EPB41L4B: variants seen among roughly 807,000 people sequenced by gnomAD.
EPB41L4B encodes the protein erythrocyte membrane protein band 4.1 like 4B.
A neutral mutation model predicts 112.5 loss-of-function variants in EPB41L4B; 30 were observed. The ratio of observed to expected loss-of-function variants is 0.27; its 90% CI spans 0.20 to 0.36. The LOEUF is 0.36. Among genes scored for constraint, EPB41L4B ranks in the 10% least tolerant of loss-of-function variants. EPB41L4B has a pLI of 1.00. For missense variants in EPB41L4B, 1,024 were observed against 1,133.3 expected (o/e 0.90, Z 1.38); for synonymous variants, 408 against 439.7 (o/e 0.93, Z 0.90).
At chr9:109,187,355 A>G (rs1053709574) in intron 22 of EPB41L4B, among the ~76,000 whole-genome samples, 3 of 152,072 alleles carry the variant, frequency 2.0e-5, no homozygotes, top group East Asian at 1.9e-4. Flanking sequence ...TTATCTCACA[A>G]TGGTCTTCAC....
At chr9:109,221,667 C>T (rs892957298) in intron 15 of EPB41L4B, among the ~76,000 whole-genome samples, 3 of 152,088 alleles carry the variant, frequency 2.0e-5, no homozygotes, top group African/African-American at 4.8e-5. Flanking sequence ...AGGCAAATGG[C>T]ATGTCATTAA....
chr9:109,258,167 A>T lies in EPB41L4B; in HGVS notation c.752+10T>A, dbSNP rs1416626454. The stretch of plus-strand genomic sequence containing the variant: ...ATACATCAGAATGCTAGACGGTTGC[A>T]TCAAGGTACCTGCACTCTTTCCATC... On this transcript the variant is annotated intron_variant, in intron 7 of 25. Coordinates refer to ENST00000374566, the MANE Select transcript of EPB41L4B (RefSeq NM_019114.5). 1 of 1,609,784 alleles carries T rather than the reference A, an allele frequency of 6.2e-7. No individual in the cohort carries two copies. Among genetic ancestry groups the T allele is most frequent in the Non-Finnish European group, 8.5e-7 (1 of 1,176,766 alleles).
Position 109,213,116 on chromosome 9 carries a change from A to G in EPB41L4B, c.1752+584T>C, listed in dbSNP as rs889918798. Among the ~76,000 whole-genome samples the G allele has an allele frequency of 2.0e-5, 3 of 152,224 alleles. No homozygotes were observed. In the East Asian group the frequency reaches 5.8e-4, roughly 29 times the overall value. ...TTGTCAAGGGCTGTGCAACCTTGAG[A>G]AAGTCATTTCCCTTCCTCTGGTCTG... On this transcript the variant is annotated intron_variant, in intron 17 of 25. Transcript: ENST00000374566.
chr9:109,194,892 A>G lies in EPB41L4B; in HGVS notation c.2046-495T>C, dbSNP rs536911601. Among the ~76,000 whole-genome samples, 5 of 152,210 alleles carry G rather than the reference A, an allele frequency of 3.3e-5. No homozygotes were observed. The East Asian group carries it at 9.6e-4, about 29-fold the overall frequency. On this transcript the variant is annotated intron_variant, in intron 20 of 25. Coordinates refer to ENST00000374566, the MANE Select transcript of EPB41L4B (RefSeq NM_019114.5). ...TCACATAAGTGGAATCACACACTCTATGTTCCTCTGTGTCTGGCTTATTTT... is the reference window on the plus strand; with the variant it reads ...TCACATAAGTGGAATCACACACTCTGTGTTCCTCTGTGTCTGGCTTATTTT...
At chr9:109,186,105 A>C (rs1832254950) in intron 22 of EPB41L4B, among the ~76,000 whole-genome samples, 1 of 152,106 alleles carries the variant, frequency 6.6e-6, no homozygotes, top group South Asian at 2.1e-4. Flanking sequence ...TCTGCTGAAC[A>C]AGGGCACACA....
chr9:109,193,820 A>G (rs1832548330), intron 21 of EPB41L4B, among the ~76,000 whole-genome samples: 1 of 152,248 alleles, frequency 6.6e-6, no homozygotes, highest in African/African-American at 2.4e-5. Flanking sequence ...CACCGGCTAT[A>G]TGACATAAGG....
intron 15 of EPB41L4B, among the ~76,000 whole-genome samples, chr9:109,227,486 T>C (rs1833822395): frequency 6.6e-6 from 1 of 152,228 alleles, no homozygotes; most frequent in South Asian, 2.1e-4. Flanking sequence ...GTTAGAATTT[T>C]TAAACTTTTT....
chr9:109,249,145 C>G (rs1834684736), intron 13 of EPB41L4B, among the ~76,000 whole-genome samples: 1 of 151,180 alleles, frequency 6.6e-6, no homozygotes, highest in Admixed American at 6.6e-5. Flanking sequence ...TGCTTGAAAT[C>G]AAGTGTTATT....
intron 1 of EPB41L4B, among the ~76,000 whole-genome samples, chr9:109,295,953 T>C (rs1836717808): frequency 6.6e-6 from 1 of 152,106 alleles, no homozygotes; most frequent in Non-Finnish European, 1.5e-5. Flanking sequence ...AACATGCAAT[T>C]AAAATGATGG....
At chr9:109,270,809 C>T (rs1337806129) in intron 2 of EPB41L4B, among the ~76,000 whole-genome samples, 1 of 152,222 alleles carries the variant, frequency 6.6e-6, no homozygotes, top group Non-Finnish European at 1.5e-5. Context: ...TGTGCAGTCT[C>T]CTTGGCTGTG....
rs1837843987 is a variant in EPB41L4B at position 109,320,729 on chromosome 9, G to C, written c.-283C>G. 7.0e-6 allele frequency: 1 copy of C among 143,374 alleles called. No homozygotes were observed. The highest frequency in any genetic ancestry group is 1.5e-5 in the Non-Finnish European group (1 of 64,864). 8.9% of individuals were successfully genotyped at this position (143,374 alleles called of 1,614,324 possible). A position where few individuals can be genotyped will look rare whatever the true frequency, so the allele number is the denominator to read the frequency against. ...GCCGCCGCCGCCGCGCGCTCTCCCG[G>C]GCCGGCGGCCTGCGCGGGCTGCCGA... On this transcript the variant is annotated 5_prime_UTR_variant, in exon 1 of 26. Transcript: ENST00000374566.
intron 20 of EPB41L4B, 108 bp downstream of exon 20, chr9:109,200,128 T>G: frequency 2.5e-6 from 2 of 808,286 alleles, no homozygotes; most frequent in Non-Finnish European, 4.0e-6. Flanking sequence ...ATAAATGGAA[T>G]TTGGGGGCTG....
intron 17 of EPB41L4B, among the ~76,000 whole-genome samples, chr9:109,211,411 A>G (rs1230849511): frequency 6.6e-6 from 1 of 152,018 alleles, no homozygotes; most frequent in East Asian, 1.9e-4. Context: ...CCTGACCAAC[A>G]TGGTGAAATC....
chr9:109,276,724 G>A (rs1447979625), intron 2 of EPB41L4B, among the ~76,000 whole-genome samples: 1 of 152,218 alleles, frequency 6.6e-6, no homozygotes, highest in East Asian at 1.9e-4. Context: ...AGTCAGCAGA[G>A]GCTCATGGCA....
chr9:109,216,875 A>G (rs1833389470), intron 16 of EPB41L4B, 47 bp downstream of exon 16: 1 of 1,572,740 alleles, frequency 6.4e-7, no homozygotes. Flanking sequence ...CGTGCCCTGC[A>G]GCATTGCTCC....
At chr9:109,293,719 A>C (rs1291762792) in intron 1 of EPB41L4B, among the ~76,000 whole-genome samples, 1 of 151,006 alleles carries the variant, frequency 6.6e-6, no homozygotes, top group Non-Finnish European at 1.5e-5. Context: ...AAAAAAAAAA[A>C]ACATAAACTA....
chr9:109,185,361 G>T, intron 23 of EPB41L4B, 128 bp downstream of exon 23: 1 of 734,692 alleles, frequency 1.4e-6, no homozygotes, highest in Non-Finnish European at 2.3e-6. Flanking sequence ...TGGAGTGAGG[G>T]CACCTGTCGA....
At chr9:109,243,747 TTGTC>T in intron 14 of EPB41L4B, 65 bp from the exon 15 acceptor site, 1 of 1,538,756 alleles carries the variant, frequency 6.5e-7, no homozygotes, top group Middle Eastern at 1.7e-4. Flanking sequence ...CTCATTCGCT[TTGTC>T]TGTTCCTGGC....
chr9:109,312,866 A>G (rs2119272906), intron 1 of EPB41L4B, among the ~76,000 whole-genome samples: 1 of 152,010 alleles, frequency 6.6e-6, no homozygotes, highest in East Asian at 1.9e-4. Flanking sequence ...ACGCGTTTCC[A>G]CCTGCTGTTC....
Sources: gnomAD v4.1 joint callset for allele counts (sites outside exome capture counted in the v4.1 genomes callset) on GRCh38, gnomAD v4.1.1 for gene constraint, MANE v1.5 for transcripts, NCBI Gene and HGNC (gene_info 2026-07-23, HGNC 2026-07-21) for gene names.